CDH12: variants seen among roughly 807,000 people sequenced by gnomAD.
CDH12 encodes the protein cadherin-12.
In CDH12, 41 loss-of-function variants were observed where a neutral mutation model predicts 74.1. The observed-to-expected ratio is 0.55, with a 90% CI of 0.43 to 0.72. CDH12 has a LOEUF of 0.72. Ranked by LOEUF, CDH12 falls within the 30% of genes least tolerant of loss-of-function variation. CDH12 has a pLI of 0.00. For synonymous variants in CDH12, 399 were observed against 355.0 expected (o/e 1.12, Z -1.39); for missense variants, 945 against 977.2 (o/e 0.97, Z 0.44).
At chr5:22,477,027 C>G (rs1746195558) in intron 2 of CDH12, among the ~76,000 whole-genome samples, 1 of 152,088 alleles carries the variant, frequency 6.6e-6, no homozygotes, top group Admixed American at 6.6e-5. Context: ...AATTATTAGG[C>G]TTTATCCACG....
intron 1 of CDH12, among the ~76,000 whole-genome samples, chr5:22,831,868 G>A (rs749864017): frequency 6.6e-6 from 1 of 152,024 alleles, no homozygotes; most frequent in Non-Finnish European, 1.5e-5. Context: ...CCGCACTCCA[G>A]CCTGGGTGAC....
At chr5:22,385,884 CTTTT>C (rs969476085) in intron 3 of CDH12, among the ~76,000 whole-genome samples, 2 of 95,416 alleles carry the variant, frequency 2.1e-5, no homozygotes, top group Non-Finnish European at 4.2e-5. Context: ...TGGCTACGCG[CTTTT>C]TTTTTTTTTT....
In CDH12 at chr5:22,665,347, A is replaced by G. The variant is rs148563556; in HGVS notation, c.-522-159983T>C. On this transcript the variant is annotated intron_variant, in intron 1 of 14. Coordinates refer to ENST00000382254, the MANE Select transcript of CDH12 (RefSeq NM_004061.5). ...GCTGAAATTTTTTTTCCCAAAATCT[A>G]TGGGAGAAGGATTTAAGAGACTTAA... Among the ~76,000 whole-genome samples, 922 of 152,280 alleles carry G rather than the reference A, an allele frequency of 6.1e-3. 7 individuals are homozygous for G. Among genetic ancestry groups the G allele is most frequent in the Middle Eastern group, 0.027 (8 of 294 alleles).
intron 2 of CDH12, among the ~76,000 whole-genome samples, chr5:22,451,970 A>C (rs963586143): frequency 6.6e-6 from 1 of 151,924 alleles, no homozygotes; most frequent in African/African-American, 2.4e-5. Context: ...AAACAATCTC[A>C]CTTACAATAT....
intron 6 of CDH12, among the ~76,000 whole-genome samples, chr5:21,873,970 G>A (rs374918601): frequency 3.9e-4 from 59 of 152,302 alleles, no homozygotes; most frequent in African/African-American, 1.4e-3. Flanking sequence ...ATTCCATGGT[G>A]TGTTTGTACC....
intron 2 of CDH12, among the ~76,000 whole-genome samples, chr5:22,492,405 T>C (rs1453929495): frequency 6.6e-6 from 1 of 150,664 alleles, no homozygotes; most frequent in Non-Finnish European, 1.5e-5. Flanking sequence ...AGGAGTGCAA[T>C]GGTATGACTT....
intron 3 of CDH12, among the ~76,000 whole-genome samples, chr5:22,220,506 G>A (rs897852760): frequency 1.3e-5 from 2 of 151,594 alleles, no homozygotes; most frequent in Admixed American, 6.6e-5. Context: ...TATTCATCAT[G>A]AGAAACTAAA....
intron 5 of CDH12, among the ~76,000 whole-genome samples, chr5:22,037,045 C>A (rs185683871): frequency 1.3e-5 from 2 of 151,924 alleles, no homozygotes; most frequent in South Asian, 2.1e-4. Flanking sequence ...GGAGAAGAAA[C>A]AAAATTTTTA....
chr5:22,361,947 T>G (rs1740823038), intron 3 of CDH12, among the ~76,000 whole-genome samples: 1 of 152,174 alleles, frequency 6.6e-6, no homozygotes, highest in South Asian at 2.1e-4. Flanking sequence ...GATTAAAAAC[T>G]TAAATGTTAG....
intron 1 of CDH12, among the ~76,000 whole-genome samples, chr5:22,513,012 G>T (rs1314295550): frequency 1.3e-5 from 2 of 152,118 alleles, no homozygotes; most frequent in East Asian, 3.9e-4. Flanking sequence ...AGTCCAGACT[G>T]GACAACAGGG....
chr5:21,764,787 G>A (rs7722501), intron 12 of CDH12, among the ~76,000 whole-genome samples, 191 bp downstream of exon 12: 9,411 of 152,044 alleles, frequency 0.062, 368 homozygotes, highest in Admixed American at 0.11. Flanking sequence ...TCATCTGTGC[G>A]GTATCACCTC....
chr5:22,712,262 G>A (rs907986020), intron 1 of CDH12, among the ~76,000 whole-genome samples: 2 of 152,072 alleles, frequency 1.3e-5, no homozygotes, highest in African/African-American at 4.8e-5. Flanking sequence ...TTTTAAATAT[G>A]CTTTGACATA....
intron 2 of CDH12, among the ~76,000 whole-genome samples, chr5:22,436,066 C>T (rs2126531099): frequency 6.6e-6 from 1 of 151,708 alleles, no homozygotes; most frequent in East Asian, 1.9e-4. Context: ...GGCACATAAA[C>T]ACCATGGAAT....
At chr5:22,792,750 G>C (rs1017798912) in intron 1 of CDH12, among the ~76,000 whole-genome samples, 2 of 152,126 alleles carry the variant, frequency 1.3e-5, no homozygotes, top group Admixed American at 6.5e-5. Context: ...GACCAAGTGT[G>C]GTCAGGAAAC....
chr5:22,127,843 A>C (rs1447641433), intron 4 of CDH12, among the ~76,000 whole-genome samples: 2 of 152,090 alleles, frequency 1.3e-5, no homozygotes, highest in Non-Finnish European at 2.9e-5. Context: ...ATGTGATAGG[A>C]TGGAGATAAT....
At chr5:21,988,201 A>G (rs960304141) in intron 5 of CDH12, among the ~76,000 whole-genome samples, 3 of 152,104 alleles carry the variant, frequency 2.0e-5, no homozygotes, top group Non-Finnish European at 2.9e-5. Flanking sequence ...GCAATATCAG[A>G]AAAATGCCTG....
At chr5:22,795,206 G>A (rs1748130105) in intron 1 of CDH12, among the ~76,000 whole-genome samples, 1 of 152,106 alleles carries the variant, frequency 6.6e-6, no homozygotes, top group Admixed American at 6.6e-5. Flanking sequence ...AATTTCAAAT[G>A]ACTAACTTTT....
At chr5:21,760,312 G>T (rs759079235) in intron 13 of CDH12, among the ~76,000 whole-genome samples, 2 of 152,070 alleles carry the variant, frequency 1.3e-5, no homozygotes, top group Non-Finnish European at 2.9e-5. Context: ...ATTTCTCAGA[G>T]AGTCTTTTAT....
intron 5 of CDH12, among the ~76,000 whole-genome samples, chr5:22,060,618 C>G (rs1376408916): frequency 6.6e-6 from 1 of 152,108 alleles, no homozygotes; most frequent in Non-Finnish European, 1.5e-5. Flanking sequence ...TGTGGTGATG[C>G]TTCAGCAAGT....
Sources: allele counts gnomAD v4.1 joint callset (sites outside exome capture counted in the v4.1 genomes callset), GRCh38; gene constraint gnomAD v4.1.1; transcripts MANE v1.5; gene names NCBI Gene and HGNC (gene_info 2026-07-23, HGNC 2026-07-21).